The following DIAPH3 variants were observed in gnomAD, a reference collection of about 807,000 sequenced individuals.
The protein encoded by DIAPH3 is diaphanous related formin 3, also known as protein diaphanous homolog 3.
In DIAPH3, 117 loss-of-function variants were observed where a neutral mutation model predicts 144.3. The ratio of observed to expected loss-of-function variants is 0.81; its 90% CI spans 0.70 to 0.95. DIAPH3 has a LOEUF of 0.95. Among genes scored for constraint, DIAPH3 ranks in the 40% least tolerant of loss-of-function variants. DIAPH3 has a pLI of 0.00. For synonymous variants in DIAPH3, 519 were observed against 488.9 expected, an observed-to-expected ratio of 1.06 and a Z score of -0.81; for missense variants, 1,421 against 1,412.7, an observed-to-expected ratio of 1.01 and a Z score of -0.09.
intron 17 of DIAPH3, among the ~76,000 whole-genome samples, chr13:59,934,950 G>C (rs1198830149): frequency 1.3e-5 from 2 of 152,226 alleles, no homozygotes; most frequent in African/African-American, 4.8e-5. Flanking sequence ...GAATAGGCCT[G>C]AGGGAGGGAA....
intron 20 of DIAPH3, among the ~76,000 whole-genome samples, chr13:59,899,639 C>T (rs978997364): frequency 6.6e-6 from 1 of 152,122 alleles, no homozygotes; most frequent in Non-Finnish European, 1.5e-5. Context: ...TCTGGACTTT[C>T]CTCTGAGGTG....
At chr13:59,933,952 A>G (rs1350235419) in intron 17 of DIAPH3, among the ~76,000 whole-genome samples, 8 of 152,212 alleles carry the variant, frequency 5.3e-5, no homozygotes, top group African/African-American at 1.7e-4. Context: ...ACATGGTTAT[A>G]CATATTATTC....
At chr13:59,899,114 C>G (rs1251310692) in intron 20 of DIAPH3, among the ~76,000 whole-genome samples, 1 of 152,150 alleles carries the variant, frequency 6.6e-6, no homozygotes, top group African/African-American at 2.4e-5. Flanking sequence ...GCCAGGGGCT[C>G]TCAGGCTTCG....
rs189336793 is a variant in DIAPH3 at position 59,839,891 on chromosome 13, C to T, written c.2738-443G>A. The stretch of plus-strand genomic sequence containing the variant: ...GGAAAAGTGTTTTTTATTGTCCAAG[C>T]TTATCTACAATGGGAAAGAAAAGGT... On this transcript the variant is annotated intron_variant, in intron 22 of 27. Coordinates refer to ENST00000400324, the MANE Select transcript of DIAPH3 (RefSeq NM_001042517.2). Among the ~76,000 whole-genome samples, 235 of 152,258 alleles carry T rather than the reference C, an allele frequency of 1.5e-3. 1 individual carries two copies. The highest frequency in any genetic ancestry group is 4.3e-3 in the South Asian group (21 of 4,830).
At chr13:59,933,110 G>A (rs1344179444) in intron 17 of DIAPH3, among the ~76,000 whole-genome samples, 3 of 152,210 alleles carry the variant, frequency 2.0e-5, no homozygotes, top group Non-Finnish European at 4.4e-5. Flanking sequence ...TAGTGAGAAT[G>A]AAGTTTTTGT....
At chr13:59,940,732 C>A (rs2048486968) in intron 17 of DIAPH3, among the ~76,000 whole-genome samples, 1 of 151,996 alleles carries the variant, frequency 6.6e-6, no homozygotes, top group African/African-American at 2.4e-5. Flanking sequence ...ACCATTATTT[C>A]CAATAAGAAA....
At chr13:59,971,604 T>G (rs1351025039) in intron 15 of DIAPH3, among the ~76,000 whole-genome samples, 1 of 152,136 alleles carries the variant, frequency 6.6e-6, no homozygotes, top group Non-Finnish European at 1.5e-5. Context: ...AAGTAAGAAA[T>G]AAGATTTCAA....
chr13:59,783,231 CAT>C (rs1268471961), intron 25 of DIAPH3, among the ~76,000 whole-genome samples: 5 of 151,970 alleles, frequency 3.3e-5, no homozygotes, highest in Admixed American at 1.3e-4. Flanking sequence ...AAGGAGGAGA[CAT>C]AGAGAAATCT....
rs185055426 is a variant in DIAPH3, at chr13:60,036,568, G to A, written c.626+6122C>T. Reference sequence around the variant, plus strand: ...ATATCAAAGAGAAAGGAAGAAAAGAGAGAAAGAAAAACAAAGGAAAGGAAA... The same window carrying A: ...ATATCAAAGAGAAAGGAAGAAAAGAAAGAAAGAAAAACAAAGGAAAGGAAA... On this transcript the variant is annotated intron_variant, in intron 5 of 27. Coordinates refer to ENST00000400324, the MANE Select transcript of DIAPH3 (RefSeq NM_001042517.2). 2.6e-3 allele frequency among the ~76,000 whole-genome samples: 394 copies of A among 151,836 alleles called. 3 individuals are homozygous for A. The highest frequency in any genetic ancestry group is 0.01 in the Middle Eastern group (3 of 294).
At chr13:59,973,194 T>C in intron 15 of DIAPH3, among the ~76,000 whole-genome samples, 1 of 152,194 alleles carries the variant, frequency 6.6e-6, no homozygotes, top group East Asian at 1.9e-4. Context: ...CAGCAATAAC[T>C]TATTCAAAAA....
chr13:60,001,321 A>T (rs1330879457), intron 9 of DIAPH3, among the ~76,000 whole-genome samples: 1 of 152,196 alleles, frequency 6.6e-6, no homozygotes, highest in Non-Finnish European at 1.5e-5. Flanking sequence ...CAGCTCCTGC[A>T]TCTCCCATGC....
intron 12 of DIAPH3, among the ~76,000 whole-genome samples, chr13:59,989,912 G>A (rs910075047): frequency 3.3e-5 from 5 of 151,734 alleles, no homozygotes; most frequent in Non-Finnish European, 7.4e-5. Context: ...TCCAGAAGAC[G>A]ACAGGACTGA....
intron 22 of DIAPH3, among the ~76,000 whole-genome samples, chr13:59,853,661 C>T (rs73196141): frequency 6.6e-6 from 1 of 152,042 alleles, no homozygotes. Flanking sequence ...ATAAATTACT[C>T]GGTCTCAGGT....
In DIAPH3 at chr13:60,041,460, T is replaced by C. The variant is rs182286233; in HGVS notation, c.626+1230A>G. Among the ~76,000 whole-genome samples, 5 of 152,338 alleles carry C rather than the reference T, an allele frequency of 3.3e-5. No individual in the cohort carries two copies. The East Asian group carries it at 9.6e-4, about 29-fold the overall frequency. Reference sequence around the variant, plus strand: ...ATGGAAAAATAAAGTTGAAATATACTAAAGTTTCTTTGTTGACTCATCATA... The same window carrying C: ...ATGGAAAAATAAAGTTGAAATATACCAAAGTTTCTTTGTTGACTCATCATA... On this transcript the variant is annotated intron_variant, in intron 5 of 27. Transcript: ENST00000400324.
chr13:59,710,981 T>C (rs964526325), intron 27 of DIAPH3, among the ~76,000 whole-genome samples: 4 of 152,220 alleles, frequency 2.6e-5, no homozygotes, highest in African/African-American at 9.6e-5. Flanking sequence ...ATGACTATAA[T>C]GCACCCTGGC....
At chr13:60,074,214 G>T (rs753024043) in intron 4 of DIAPH3, among the ~76,000 whole-genome samples, 8 of 151,976 alleles carry the variant, frequency 5.3e-5, no homozygotes, top group Non-Finnish European at 1.0e-4. Flanking sequence ...CATACTTAGG[G>T]CCCATATATC....
At chr13:59,692,659 A>G (rs1406487243) in intron 27 of DIAPH3, among the ~76,000 whole-genome samples, 1 of 151,888 alleles carries the variant, frequency 6.6e-6, no homozygotes, top group East Asian at 1.9e-4. Flanking sequence ...GTCAGGGTAC[A>G]CTCTTTTGCC....
At chr13:59,839,904 G>C (rs956448487) in intron 22 of DIAPH3, among the ~76,000 whole-genome samples, 1 of 152,120 alleles carries the variant, frequency 6.6e-6, no homozygotes, top group African/African-American at 2.4e-5. Flanking sequence ...ATCTACAATG[G>C]GAAAGAAAAG....
At chr13:59,955,377 C>T (rs2049340853) in intron 17 of DIAPH3, among the ~76,000 whole-genome samples, 1 of 152,114 alleles carries the variant, frequency 6.6e-6, no homozygotes, top group African/African-American at 2.4e-5. Flanking sequence ...TTCCCCTGCA[C>T]ACGGTCTCCT....
Sources: gnomAD v4.1 joint callset for allele counts (sites outside exome capture counted in the v4.1 genomes callset) on GRCh38, gnomAD v4.1.1 for gene constraint, MANE v1.5 for transcripts, NCBI Gene and HGNC (gene_info 2026-07-23, HGNC 2026-07-21) for gene names.